The following SCN8A variants were observed in gnomAD, a reference collection of about 807,000 sequenced individuals.
SCN8A encodes sodium channel protein type 8 subunit alpha.
In SCN8A, 30 loss-of-function variants were observed where a neutral mutation model predicts 184.1. That is an observed-to-expected ratio of 0.16 (90% CI 0.12 to 0.22). SCN8A has a LOEUF of 0.22. Ranked by LOEUF, SCN8A falls within the 10% of genes least tolerant of loss-of-function variation. SCN8A has a pLI of 1.00. For synonymous variants in SCN8A, 852 were observed against 907.0 expected, an observed-to-expected ratio of 0.94 and a Z score of 1.09; for missense variants, 1,057 against 2,498.9, an observed-to-expected ratio of 0.42 and a Z score of 12.30.
intron 6 of SCN8A, among the ~76,000 whole-genome samples, chr12:51,692,230 A>G (rs1486331110): frequency 6.6e-6 from 1 of 152,164 alleles, no homozygotes; most frequent in Non-Finnish European, 1.5e-5. Flanking sequence ...CTCCCTGTGT[A>G]TCAACTTCCT....
At chr12:51,672,679 A>G (rs1339788283) in intron 2 of SCN8A, among the ~76,000 whole-genome samples, 2 of 152,292 alleles carry the variant, frequency 1.3e-5, no homozygotes, top group South Asian at 2.1e-4. Context: ...TACTCAGTAT[A>G]TTCAGAATTG....
chr12:51,654,696 A>T (rs1237356816), intron 1 of SCN8A, among the ~76,000 whole-genome samples: 1 of 151,874 alleles, frequency 6.6e-6, no homozygotes, highest in Non-Finnish European at 1.5e-5. Flanking sequence ...TCTTTTGTAG[A>T]TATGGGGTCT....
At chr12:51,723,950 C>G (rs930193534) in intron 12 of SCN8A, among the ~76,000 whole-genome samples, 2 of 152,114 alleles carry the variant, frequency 1.3e-5, no homozygotes, top group African/African-American at 2.4e-5. Context: ...GGTCTTACAG[C>G]TCATCACTGA....
chr12:51,787,695 T>G (rs1472609858), intron 22 of SCN8A, among the ~76,000 whole-genome samples: 1 of 152,260 alleles, frequency 6.6e-6, no homozygotes, highest in East Asian at 1.9e-4. Flanking sequence ...GTTACTATAT[T>G]TCCATGCCTA....
At chr12:51,613,494 T>C (rs1939767544) in intron 1 of SCN8A, among the ~76,000 whole-genome samples, 1 of 151,992 alleles carries the variant, frequency 6.6e-6, no homozygotes, top group Non-Finnish European at 1.5e-5. Context: ...ATATTCATTC[T>C]TTTTTTTCCC....
intron 11 of SCN8A, among the ~76,000 whole-genome samples, chr12:51,718,676 G>A (rs1317278118): frequency 3.3e-5 from 5 of 151,962 alleles, no homozygotes; most frequent in Non-Finnish European, 5.9e-5. Context: ...GTGACTTTAA[G>A]GTAGATTTTG....
chr12:51,771,861 G>A (rs1056856095), intron 19 of SCN8A, among the ~76,000 whole-genome samples: 2 of 152,154 alleles, frequency 1.3e-5, no homozygotes, highest in Non-Finnish European at 1.5e-5. Context: ...GGAGAAAGGC[G>A]TTTTATTATT....
chr12:51,633,364 C>A (rs1940242112), intron 1 of SCN8A, among the ~76,000 whole-genome samples: 1 of 152,178 alleles, frequency 6.6e-6, no homozygotes. Flanking sequence ...GTTTTCTCTC[C>A]CACATGGTTT....
intron 20 of SCN8A, among the ~76,000 whole-genome samples, chr12:51,776,969 C>T (rs1937723662): frequency 6.6e-6 from 1 of 152,306 alleles, no homozygotes; most frequent in Admixed American, 6.5e-5. Context: ...AGTTCCCAAA[C>T]AAGGAAAACA....
At chr12:51,624,593 C>T (rs1439221495) in intron 1 of SCN8A, among the ~76,000 whole-genome samples, 1 of 151,938 alleles carries the variant, frequency 6.6e-6, no homozygotes, top group African/African-American at 2.4e-5. Flanking sequence ...GTTTCTTTTG[C>T]TGTGCAGAAG....
At chr12:51,605,161 G>T (rs1939560605) in intron 1 of SCN8A, among the ~76,000 whole-genome samples, 1 of 152,058 alleles carries the variant, frequency 6.6e-6, no homozygotes, top group Non-Finnish European at 1.5e-5. Flanking sequence ...GTGGTATTTG[G>T]TTACATCAGT....
At chr12:51,785,798 C>T (rs1023046170) in intron 21 of SCN8A, among the ~76,000 whole-genome samples, 2 of 152,114 alleles carry the variant, frequency 1.3e-5, no homozygotes, top group Non-Finnish European at 2.9e-5. Flanking sequence ...TTCTAATACA[C>T]TGTGATGAGT....
At chr12:51,652,600 T>C (rs1332178456) in intron 1 of SCN8A, among the ~76,000 whole-genome samples, 1 of 152,202 alleles carries the variant, frequency 6.6e-6, no homozygotes, top group Non-Finnish European at 1.5e-5. Context: ...ACTGAACTGC[T>C]TGCAGTACCC....
intron 12 of SCN8A, among the ~76,000 whole-genome samples, chr12:51,736,358 C>A (rs1942325928): frequency 6.6e-6 from 1 of 152,186 alleles, no homozygotes; most frequent in African/African-American, 2.4e-5. Context: ...CATACATGTA[C>A]ATAAGCTAGT....
chr12:51,688,944 GGTGTTT>G lies in SCN8A; in HGVS notation c.615-50_615-45del, dbSNP rs1941463170. ...TTGTTGTGGTTTTGTTTTTTCCTTT[GGTGTTT>G]GTGTTTGTGTCTGTGTTTGTCACTT... On this transcript the variant is annotated intron_variant, in intron 5 of 26. Coordinates refer to ENST00000627620, the MANE Select transcript of SCN8A (RefSeq NM_001330260.2). 1.5e-5 allele frequency: 23 copies of G among 1,575,974 alleles called. No individual in the cohort carries two copies. In the South Asian group the frequency reaches 2.2e-4, roughly 15 times the overall value.
chr12:51,693,815 C>T (rs1307516497), intron 6 of SCN8A, among the ~76,000 whole-genome samples: 1 of 152,124 alleles, frequency 6.6e-6, no homozygotes. Context: ...GCTACTGAGG[C>T]CTGTTTCAAT....
intron 9 of SCN8A, 41 bp from the exon 10 acceptor site, chr12:51,705,376 T>G: frequency 6.3e-7 from 1 of 1,599,162 alleles, no homozygotes; most frequent in Non-Finnish European, 8.6e-7. Context: ...GCCCGGTTCA[T>G]TTGGTACAAG....
intron 11 of SCN8A, among the ~76,000 whole-genome samples, chr12:51,712,160 A>G (rs1441181789): frequency 6.6e-6 from 1 of 152,226 alleles, no homozygotes; most frequent in Non-Finnish European, 1.5e-5. Flanking sequence ...TAATGAAAAG[A>G]AAAAGAAAAA....
intron 11 of SCN8A, chr12:51,712,337 T>A: frequency 1.7e-6 from 1 of 594,426 alleles, no homozygotes; most frequent in Admixed American, 2.9e-5. Context: ...TCATCCTTCC[T>A]TCTGTGGCAG....
Sources: gnomAD v4.1 joint callset for allele counts (sites outside exome capture counted in the v4.1 genomes callset) on GRCh38, gnomAD v4.1.1 for gene constraint, MANE v1.5 for transcripts, NCBI Gene and HGNC (gene_info 2026-07-23, HGNC 2026-07-21) for gene names.